Variants in ITGA10 observed in about 807,000 individuals in gnomAD.
ITGA10 encodes integrin subunit alpha 10.
In ITGA10, 105 loss-of-function variants were observed where a neutral mutation model predicts 145.2. The ratio of observed to expected loss-of-function variants is 0.72; its 90% CI spans 0.62 to 0.85. The LOEUF (loss-of-function observed/expected upper bound fraction) is 0.85, where lower values mean the gene tolerates loss of function less well. Among genes scored for constraint, ITGA10 ranks in the 40% least tolerant of loss-of-function variants. ITGA10 has a pLI of 0.00. For missense variants in ITGA10, 1,317 were observed against 1,444.5 expected, an observed-to-expected ratio of 0.91 and a Z score of 1.43; for synonymous variants, 506 against 557.8, an observed-to-expected ratio of 0.91 and a Z score of 1.31.
intron 22 of ITGA10, 57 bp from the exon 23 acceptor site, chr1:145,896,915 C>T: frequency 1.3e-6 from 2 of 1,543,476 alleles, no homozygotes; most frequent in Non-Finnish European, 1.8e-6. Flanking sequence ...AGACACCCTT[C>T]TCTGTTAATA....
At position 145,907,023 on chromosome 1, in the gene ITGA10, G is replaced by C. The variant is rs782455458; in HGVS notation, c.274+18C>G. ...CAAAGTCAGGGGTTAGGAGGAGAAGGGTCAGGCATCTTCTCACCTAAGTGG... is the reference window on the plus strand; with the variant it reads ...CAAAGTCAGGGGTTAGGAGGAGAAGCGTCAGGCATCTTCTCACCTAAGTGG... On this transcript the variant is annotated intron_variant, in intron 3 of 29. Transcript: ENST00000369304. 1 of 1,478,952 alleles carries C rather than the reference G, an allele frequency of 6.8e-7. No homozygotes were observed. 91.6% of individuals were successfully genotyped at this position (1,478,952 alleles called of 1,614,324 possible).
chr1:145,900,650 C>G, intron 14 of ITGA10, 140 bp downstream of exon 14: 1 of 809,140 alleles, frequency 1.2e-6, no homozygotes. Flanking sequence ...GCAACCTGTC[C>G]ACTGCCTTAT....
chr1:145,898,091 A>C lies in ITGA10; in HGVS notation c.2346+19T>G. 1 of 1,554,308 alleles carries C rather than the reference A, an allele frequency of 6.4e-7. No homozygotes were observed. The highest frequency in any genetic ancestry group is 8.9e-7 in the Non-Finnish European group (1 of 1,125,488). On this transcript the variant is annotated intron_variant, in intron 18 of 29. Coordinates refer to ENST00000369304, the MANE Select transcript of ITGA10 (RefSeq NM_003637.5). ...GAGGGCAGTGTTGGGAGCAAGGGGC[A>C]GGGCATGGCACTGCTGACCAGCTTT...
At position 145,895,285 on chromosome 1, in the gene ITGA10, G is replaced by A. The variant is rs148917653; in HGVS notation, c.3223C>T (p.Arg1075Ter). 201 of 1,611,722 alleles carry A rather than the reference G, an allele frequency of 1.2e-4. 1 individual carries two copies. Among genetic ancestry groups the A allele is most frequent in the Admixed American group, 6.8e-4 (41 of 59,998 alleles). Residue 1075 changes from arginine to a stop codon, truncating the protein, a stop_gained, in exon 27 of 30, where the codon CGA (arginine) becomes TGA (stop). Coordinates refer to ENST00000369304, the MANE Select transcript of ITGA10 (RefSeq NM_003637.5). LOFTEE classifies it high-confidence loss of function. Reference protein sequence around the residue: ...LLRLVHNEFFRRAKFKSLTVV... With the variant: ...LLRLVHNEFF ...CTAGAAAAGGAAAGGCTTACTCTTC[G>A]GAAAAATTCATTGTGAACCAGCCTC...
chr1:145,904,882 G>A, intron 5 of ITGA10, 71 bp from the exon 6 acceptor site: 1 of 1,518,232 alleles, frequency 6.6e-7, no homozygotes, highest in Non-Finnish European at 9.0e-7. Context: ...GTCACAGGAG[G>A]ACACATTCAA....
In ITGA10 at chr1:145,900,874, C is replaced by T. The variant is rs782118378; in HGVS notation, c.1707G>A (p.Val569=). The part of the protein sequence containing the change: ...LNQDGFADVA[V]GAPLEDGHQG... Reference sequence around the variant, plus strand: ...GGTGCCCATCTTCCAGAGGCGCCCCCACAGCCACATCAGCAAAACCATCTT... The same window carrying T: ...GGTGCCCATCTTCCAGAGGCGCCCCTACAGCCACATCAGCAAAACCATCTT... Residue 569 remains valine (V), a synonymous_variant, in exon 14 of 30, where the codon GTG becomes GTA. Coordinates refer to ENST00000369304, the MANE Select transcript of ITGA10 (RefSeq NM_003637.5). The T allele has an allele frequency of 1.1e-4, 179 of 1,614,026 alleles. No individual in the cohort carries two copies. Among genetic ancestry groups the T allele is most frequent in the Non-Finnish European group, 1.5e-4 (172 of 1,180,038 alleles).
In ITGA10 at chr1:145,901,840, C is replaced by T. The variant is rs1336608726; in HGVS notation, c.1294+37G>A. On this transcript the variant is annotated intron_variant, in intron 11 of 29. Transcript: ENST00000369304. The surrounding 1 kb of genome is among the most constrained non-coding windows in gnomAD (Gnocchi z 4.3). ...CCCCACTAGGGATGTATTTCCTCCC[C>T]TACCCTGTAAGTCCTCTGCAACTCT... 1.2e-6 allele frequency: 2 copies of T among 1,613,064 alleles called. No individual in the cohort carries two copies. The highest frequency in any genetic ancestry group is 1.7e-6 in the Non-Finnish European group (2 of 1,179,532).
Position 145,892,102 on chromosome 1 carries a change from G to C in ITGA10, c.*696C>G, listed in dbSNP as rs759308128. The C allele has an allele frequency of 6.5e-6, 1 of 152,690 alleles. No homozygotes were observed. The allele number at this position is 152,690 out of a possible 1,614,324, so 9.5% of individuals were successfully genotyped here. On this transcript the variant is annotated 3_prime_UTR_variant, in exon 30 of 30. Transcript: ENST00000369304. ...TGGAATCAGGAAGCCTATGCCCAGC[G>C]AGCCTGGGGGCAGCTCTGTTTCACC...
At position 145,900,108 on chromosome 1, in the gene ITGA10, T is replaced by A. The variant is rs1471636811; in HGVS notation, c.1871A>T (p.Asp624Val). The stretch of plus-strand genomic sequence containing the variant: ...ACCCACAGCCACATCGACCAGATCA[T>A]CTCCATCCAGATCTAGCCGACCATC... ...SVDGRLDLDGDDLVDVAVGAQ... is the reference protein window; with the variant it reads ...SVDGRLDLDGVDLVDVAVGAQ... Residue 624 changes from aspartate (D) to valine (V), a missense_variant, in exon 15 of 30, where the codon GAT (aspartate) becomes GTT (valine). Transcript: ENST00000369304. The A allele has an allele frequency of 6.2e-7, 1 of 1,613,874 alleles. No individual in the cohort carries two copies. The highest frequency in any genetic ancestry group is 1.3e-5 in the African/African-American group (1 of 74,858).
intron 8 of ITGA10, 75 bp downstream of exon 8, chr1:145,902,736 C>G: frequency 1.9e-6 from 3 of 1,544,910 alleles, no homozygotes; most frequent in Non-Finnish European, 2.6e-6. Context: ...CTCAAGTTCC[C>G]AGTCCTTGGA....
At chr1:145,896,709 G>T in intron 23 of ITGA10, 60 bp downstream of exon 23, 1 of 1,345,294 alleles carries the variant, frequency 7.4e-7, no homozygotes, top group Non-Finnish European at 1.1e-6. Flanking sequence ...GGGGAGGGAA[G>T]CAGCATAAGG....
chr1:145,895,324 A>G lies in ITGA10; in HGVS notation c.3184T>C (p.Ser1062Pro). The change falls in exon 27 of 30, where the codon TCT becomes CCT. Residue 1062 changes from serine (S) to proline (P), a missense_variant. By Grantham distance (74) the Ser-to-Pro change is moderately conservative. Coordinates refer to ENST00000369304, the MANE Select transcript of ITGA10 (RefSeq NM_003637.5). ...LGQLAKGTEV[S>P]VGLLRLVHNE... ...TGAACCAGCCTCAATAGTCCAACAGAGACCTCAGTCCCCTTTGCCAGCTGC... is the reference window on the plus strand; with the variant it reads ...TGAACCAGCCTCAATAGTCCAACAGGGACCTCAGTCCCCTTTGCCAGCTGC... 2 of 1,614,202 alleles carry G rather than the reference A, an allele frequency of 1.2e-6. No individual in the cohort carries two copies. The highest frequency in any genetic ancestry group is 2.2e-5 in the South Asian group (2 of 91,072).
chr1:145,908,511 G>A (rs1352532486), intron 1 of ITGA10, among the ~76,000 whole-genome samples: 2 of 152,056 alleles, frequency 1.3e-5, no homozygotes, highest in Admixed American at 1.3e-4. Flanking sequence ...CCATTCTAAA[G>A]GTGCCCGACC....
At chr1:145,902,042 G>C in intron 10 of ITGA10, 21 bp from the exon 11 acceptor site, 2 of 1,613,328 alleles carry the variant, frequency 1.2e-6, no homozygotes, top group Non-Finnish European at 1.7e-6. Flanking sequence ...GAAGCAGATG[G>C]GGTCACTGAG....
chr1:145,906,804 A>T lies in ITGA10; in HGVS notation c.295T>A (p.Ser99Thr). The T allele has an allele frequency of 6.2e-7, 1 of 1,613,658 alleles. No individual in the cohort carries two copies. The change falls in exon 4 of 30, where the codon TCA becomes ACA. Residue 99 changes from serine (S) to threonine (T), a missense_variant. By Grantham distance (58) the Ser-to-Thr change is moderately conservative (BLOSUM62 1). Coordinates refer to ENST00000369304, the MANE Select transcript of ITGA10 (RefSeq NM_003637.5). ...GHLGDYQLGN[S>T]SHPAVNMHLG... is the part of the protein sequence containing the mutation. ...TGCATATTCACAGCAGGATGAGATG[A>T]ATTTCCCAGTTGGTAGTCACCTGGT...
chr1:145,907,892 T>C (rs113909050), intron 1 of ITGA10, among the ~76,000 whole-genome samples: 7 of 144,368 alleles, frequency 4.8e-5, no homozygotes, highest in African/African-American at 1.5e-4. Flanking sequence ...TGCCTCAGCC[T>C]CCCGTGTAGC....
intron 7 of ITGA10, 59 bp from the exon 8 acceptor site, chr1:145,903,020 C>CAT (rs1553749716): frequency 1.5e-6 from 1 of 677,600 alleles, no homozygotes; most frequent in Non-Finnish European, 2.2e-6. Flanking sequence ...CACACACACA[C>CAT]ACATACACAC....
chr1:145,900,281 T>A, intron 14 of ITGA10, 94 bp from the exon 15 acceptor site: 1 of 1,353,962 alleles, frequency 7.4e-7, no homozygotes, highest in South Asian at 1.5e-5. Flanking sequence ...ATTTATTTAT[T>A]TTTGAGATGG....
chr1:145,907,484 A>G lies in ITGA10; in HGVS notation c.53-19T>C, dbSNP rs1339031982. The G allele has an allele frequency of 6.2e-7, 1 of 1,613,784 alleles. No homozygotes were observed. The highest frequency in any genetic ancestry group is 1.7e-5 in the Admixed American group (1 of 59,978). ...CAGAGACCTGTGGGGTCAGGATCAT[A>G]ATGTTAGTATGAGGTAGTGAATGGC... On this transcript the variant is annotated intron_variant, in intron 1 of 29. Coordinates refer to ENST00000369304, the MANE Select transcript of ITGA10 (RefSeq NM_003637.5).
Sources: gnomAD v4.1 joint callset for allele counts (sites outside exome capture counted in the v4.1 genomes callset) on GRCh38, gnomAD v4.1.1 for gene constraint, Gnocchi (gnomAD v3.1) non-coding constraint, MANE v1.5 for transcripts, NCBI Gene and HGNC (gene_info 2026-07-23, HGNC 2026-07-21) for gene names.